PTOV1: variants seen among roughly 807,000 people sequenced by gnomAD.
PTOV1 encodes the protein PTOV1 extended AT-hook containing adaptor protein, also known as prostate tumor-overexpressed gene 1 protein.
PTOV1 carries 20 observed loss-of-function variants against 58.0 expected under a neutral mutation model. That is an observed-to-expected ratio of 0.34 (90% confidence interval 0.24 to 0.50). The LOEUF (loss-of-function observed/expected upper bound fraction) is 0.50. Among genes scored for constraint, PTOV1 ranks in the 20% least tolerant of loss-of-function variants. PTOV1 has a pLI of 0.98. For missense variants in PTOV1, 593 were observed against 565.4 expected (o/e 1.05, Z -0.50); for synonymous variants, 335 against 234.2 (o/e 1.43, Z -3.93).
chr19:49,860,583 C>A, exon 12 of PTOV1: 1 of 537,420 alleles, frequency 1.9e-6, no homozygotes, highest in Non-Finnish European at 3.3e-6. Flanking sequence ...GAGCCTGTGG[C>A]CAGCAGCCCC....
intron 1 of PTOV1, chr19:49,852,067 G>C (rs750139946): frequency 1.8e-4 from 177 of 985,370 alleles, no homozygotes; most frequent in Non-Finnish European, 2.1e-4. Flanking sequence ...CAGCTTCGCA[G>C]GTACTTTGGG....
At chr19:49,851,975 G>A (rs2074270437) in intron 1 of PTOV1, 2 of 985,208 alleles carry the variant, frequency 2.0e-6, no homozygotes, top group Non-Finnish European at 2.4e-6. Flanking sequence ...CCCGTGGAGT[G>A]CGCACCTAGA....
At chr19:49,860,181 G>C in exon 11 of PTOV1, 1 of 1,614,130 alleles carries the variant, frequency 6.2e-7, no homozygotes, top group Non-Finnish European at 8.5e-7. Flanking sequence ...ACAGCAACGA[G>C]GGGTGAGGTG....
chr19:49,858,480 C>T, intron 9 of PTOV1, 69 bp from the exon 10 acceptor site: 1 of 1,313,558 alleles, frequency 7.6e-7, no homozygotes, highest in Non-Finnish European at 1.1e-6. Flanking sequence ...CCGGGGGACT[C>T]AGCGGGCTGG....
At chr19:49,851,999 C>T in intron 1 of PTOV1, 3 of 985,564 alleles carry the variant, frequency 3.0e-6, no homozygotes, top group Non-Finnish European at 3.6e-6. Context: ...CGCGCCCGCG[C>T]CCACATGTGG....
chr19:49,858,658 G>A lies in PTOV1; in HGVS notation c.1041+5G>A. On this transcript the variant is annotated splice_donor_5th_base_variant and intron_variant, in intron 10 of 11. Coordinates refer to ENST00000391842, the Ensembl canonical transcript of PTOV1. ...CGGATCATGGACAATGGCTTCGTGA[G>A]TGGTGCCAGCAGACGCAGGGGAGGG... is the stretch of plus-strand genomic sequence containing the variant. 1.3e-6 allele frequency: 2 copies of A among 1,589,040 alleles called. No homozygotes were observed. The highest frequency in any genetic ancestry group is 1.7e-6 in the Non-Finnish European group (2 of 1,166,892).
At chr19:49,854,461 T>C in exon 2 of PTOV1, 1 of 1,612,394 alleles carries the variant, frequency 6.2e-7, no homozygotes, top group Non-Finnish European at 8.5e-7. Flanking sequence ...TCACCTGGGC[T>C]CACCCTCGGG....
At chr19:49,850,984 C>T, upstream of PTOV1, 2 of 1,535,278 alleles carry the variant, frequency 1.3e-6, no homozygotes, top group Non-Finnish European at 1.7e-6. Flanking sequence ...GCCACGCCCC[C>T]TGAAGTTGTG....
At chr19:49,852,290 T>A (rs2074284258) in intron 1 of PTOV1, 1 of 159,506 alleles carries the variant, frequency 6.3e-6, no homozygotes, top group Non-Finnish European at 1.3e-5. Flanking sequence ...TACTGAAACC[T>A]TAAACAGGCT....
rs1053403911 is a variant in PTOV1, at chr19:49,860,459, C to T, written c.*180C>T. The T allele has an allele frequency of 2.3e-5, 22 of 970,742 alleles. No homozygotes were observed. The African/African-American group carries it at 3.1e-4, about 14-fold the overall frequency. 60.1% of individuals were successfully genotyped at this position (970,742 alleles called of 1,614,324 possible). On this transcript the variant is annotated 3_prime_UTR_variant, in exon 12 of 12. Transcript: ENST00000391842. ...AGAGCAGAGGGAGAGGCAGCAGTCC[C>T]AGCGGTCCTAGGCTGTCGGGAAACT...
At position 49,858,674 on chromosome 19, in the gene PTOV1, C is replaced by T. The variant is rs1338804551; in HGVS notation, c.1041+21C>T. On this transcript the variant is annotated intron_variant, in intron 10 of 11. Coordinates refer to ENST00000391842, the Ensembl canonical transcript of PTOV1. Reference sequence around the variant, plus strand: ...GCTTCGTGAGTGGTGCCAGCAGACGCAGGGGAGGGGCCGGCCAGGGCAGAG... The same window carrying T: ...GCTTCGTGAGTGGTGCCAGCAGACGTAGGGGAGGGGCCGGCCAGGGCAGAG... 5.1e-6 allele frequency: 8 copies of T among 1,568,664 alleles called. No homozygotes were observed. In the African/African-American group the frequency reaches 8.1e-5, roughly 16 times the overall value.
chr19:49,855,187 GT>G, intron 5 of PTOV1, 110 bp downstream of exon 5: 1 of 1,087,560 alleles, frequency 9.2e-7, no homozygotes, highest in Non-Finnish European at 1.4e-6. Flanking sequence ...GGGGCCGAGG[GT>G]AGCCCTCGTG....
intron 1 of PTOV1, among the ~76,000 whole-genome samples, chr19:49,853,521 C>A (rs911803096): frequency 6.7e-6 from 1 of 150,162 alleles, no homozygotes; most frequent in Non-Finnish European, 1.5e-5. Context: ...AAAAATTAGC[C>A]GGGCATGATG....
chr19:49,857,122 C>T (rs1471378709), exon 6 of PTOV1: 17 of 1,613,892 alleles, frequency 1.1e-5, no homozygotes, highest in South Asian at 3.3e-5. Context: ...CATCACCACC[C>T]GCAAGCAGGT....
chr19:49,855,229 C>T (rs2074412526), intron 5 of PTOV1, 152 bp downstream of exon 5: 4 of 690,242 alleles, frequency 5.8e-6, no homozygotes, highest in Non-Finnish European at 5.0e-6. Context: ...AAATGACTGA[C>T]TCCAGGCACC....
At chr19:49,860,037 A>C (rs765850303) in exon 11 of PTOV1, 1 of 1,614,200 alleles carries the variant, frequency 6.2e-7, no homozygotes, top group Non-Finnish European at 8.5e-7. Flanking sequence ...CCGCGTGCTT[A>C]TGCTCCTGTA....
chr19:49,856,856 T>TG, intron 5 of PTOV1, 119 bp from the exon 6 acceptor site: 2 of 1,234,428 alleles, frequency 1.6e-6, no homozygotes, highest in East Asian at 2.4e-5. Flanking sequence ...GCCTTGACTG[T>TG]GGGGGCCTCT....
intron 9 of PTOV1, 185 bp downstream of exon 9, chr19:49,858,299 G>T: frequency 1.2e-6 from 1 of 831,744 alleles, no homozygotes. Flanking sequence ...GCAGCCAGCT[G>T]GTGGCTGTGC....
At chr19:49,857,581 C>T in intron 6 of PTOV1, 112 bp from the exon 7 acceptor site, 4 of 983,936 alleles carry the variant, frequency 4.1e-6, no homozygotes, top group South Asian at 1.5e-5. Flanking sequence ...AGAATGGACC[C>T]AGCTGGGGCT....
Sources: allele counts gnomAD v4.1 joint callset (sites outside exome capture counted in the v4.1 genomes callset), GRCh38; gene constraint gnomAD v4.1.1; transcripts MANE v1.5; gene names NCBI Gene and HGNC (gene_info 2026-07-23, HGNC 2026-07-21).